SSH1: variants seen among roughly 807,000 people sequenced by gnomAD.
The protein encoded by SSH1 is protein phosphatase Slingshot homolog 1.
SSH1 carries 43 observed loss-of-function variants against 79.7 expected under a neutral mutation model. The ratio of observed to expected loss-of-function variants is 0.54; its 90% CI spans 0.42 to 0.70. The LOEUF is 0.70. SSH1 is among the 30% of genes least tolerant of loss of function. The pLI is 0.00. For missense variants in SSH1, 1,206 were observed against 1,358.8 expected (o/e 0.89, Z 1.77); for synonymous variants, 599 against 538.3 (o/e 1.11, Z -1.56).
chr12:108,802,282 T>C, intron 11 of SSH1, 40 bp downstream of exon 11: 1 of 1,603,326 alleles, frequency 6.2e-7, no homozygotes. Flanking sequence ...GTTTCTAAGC[T>C]GCCTGGAAGG....
Position 108,798,985 on chromosome 12 carries a change from C to T in SSH1, c.1349+15G>A. On this transcript the variant is annotated intron_variant, in intron 13 of 14. Transcript: ENST00000326495. ...AGCTCCGCCTGCCAACCCTTCTCTC[C>T]AGGCAGGCACCCACCTTGCATCCAA... is the stretch of plus-strand genomic sequence containing the variant. The T allele has an allele frequency of 5.0e-6, 8 of 1,611,052 alleles. No individual in the cohort carries two copies. In the East Asian group the frequency reaches 6.7e-5, roughly 13 times the overall value.
At position 108,804,829 on chromosome 12, in the gene SSH1, C is replaced by T. The variant is rs188159430; in HGVS notation, c.954+227G>A. Among the ~76,000 whole-genome samples, 29 of 152,298 alleles carry T rather than the reference C, an allele frequency of 1.9e-4. 1 individual carries two copies. In the South Asian group the frequency reaches 2.5e-3, roughly 13 times the overall value. Reference sequence around the variant, plus strand: ...GCCAAATAGCTCCCAAACAACTCCCCGCAGCTCAGCTGGAAGCCACGTCTC... The same window carrying T: ...GCCAAATAGCTCCCAAACAACTCCCTGCAGCTCAGCTGGAAGCCACGTCTC... On this transcript the variant is annotated intron_variant, in intron 10 of 14. Coordinates refer to ENST00000326495, the MANE Select transcript of SSH1 (RefSeq NM_018984.4).
intron 13 of SSH1, among the ~76,000 whole-genome samples, chr12:108,794,881 A>G (rs1344673590): frequency 1.3e-5 from 2 of 152,140 alleles, no homozygotes; most frequent in African/African-American, 4.8e-5. Flanking sequence ...GGGAAGGAAG[A>G]CACAGGACAG....
intron 7 of SSH1, 103 bp downstream of exon 7, chr12:108,809,590 T>G: frequency 2.1e-6 from 2 of 965,210 alleles, no homozygotes; most frequent in Non-Finnish European, 1.7e-6. Context: ...TCCCTCAACA[T>G]GCACATACGT....
chr12:108,806,037 G>A (rs191455222), intron 9 of SSH1, among the ~76,000 whole-genome samples: 55 of 152,192 alleles, frequency 3.6e-4, no homozygotes, highest in Non-Finnish European at 7.4e-5. Context: ...TCTCCCCAAA[G>A]GCCATATAGG....
intron 2 of SSH1, chr12:108,827,474 C>T: frequency 7.7e-7 from 1 of 1,298,940 alleles, no homozygotes; most frequent in Non-Finnish European, 9.8e-7. Flanking sequence ...GGGGAGCCAA[C>T]TCCTCCTCAG....
At position 108,817,175 on chromosome 12, in the gene SSH1, C is replaced by T; in HGVS notation, c.280-16G>A. On this transcript the variant is annotated splice_polypyrimidine_tract_variant and intron_variant, in intron 4 of 14. Coordinates refer to ENST00000326495, the MANE Select transcript of SSH1 (RefSeq NM_018984.4). ...GGCGCACTGCCTGGAACAGGGCAGA[C>T]ATGCTCTCACTAACCTGCCTTTGGA... 1.2e-6 allele frequency: 2 copies of T among 1,613,218 alleles called. No homozygotes were observed. Among genetic ancestry groups the T allele is most frequent in the Non-Finnish European group, 1.7e-6 (2 of 1,179,924 alleles).
intron 2 of SSH1, among the ~76,000 whole-genome samples, chr12:108,831,631 T>A (rs1054469865): frequency 1.3e-5 from 2 of 151,912 alleles, no homozygotes; most frequent in African/African-American, 4.8e-5. Context: ...GAGGCCTCCC[T>A]GGAAGAAATG....
chr12:108,819,109 G>A (rs1032846218), intron 3 of SSH1, among the ~76,000 whole-genome samples: 10 of 152,176 alleles, frequency 6.6e-5, no homozygotes, highest in Non-Finnish European at 1.3e-4. Flanking sequence ...CCATAACCGG[G>A]GGGGCGGGGG....
chr12:108,797,409 G>C (rs1041202995), intron 13 of SSH1, among the ~76,000 whole-genome samples: 4 of 152,136 alleles, frequency 2.6e-5, no homozygotes, highest in Non-Finnish European at 1.5e-5. Flanking sequence ...CCACCTTCAA[G>C]CCGAAAAGCC....
intron 2 of SSH1, among the ~76,000 whole-genome samples, chr12:108,841,466 G>A (rs951116557): frequency 2.6e-5 from 4 of 152,132 alleles, no homozygotes; most frequent in Non-Finnish European, 5.9e-5. Flanking sequence ...AACTCTTCAC[G>A]TCTCTGTCCT....
At chr12:108,821,210 C>G (rs1195701648) in intron 3 of SSH1, among the ~76,000 whole-genome samples, 1 of 112,520 alleles carries the variant, frequency 8.9e-6, no homozygotes, top group African/African-American at 3.7e-5. Flanking sequence ...TGAGTGAGAC[C>G]TCATCTACAC....
chr12:108,833,113 G>A (rs1388504536), intron 2 of SSH1, among the ~76,000 whole-genome samples: 4 of 151,608 alleles, frequency 2.6e-5, no homozygotes, highest in African/African-American at 7.3e-5. Flanking sequence ...AACGGGTAGC[G>A]GCAAGCAGCT....
At chr12:108,813,259 C>T (rs1037345262) in intron 5 of SSH1, among the ~76,000 whole-genome samples, 4 of 152,148 alleles carry the variant, frequency 2.6e-5, no homozygotes, top group Non-Finnish European at 5.9e-5. Flanking sequence ...TTCCTAGGGC[C>T]TGTATGGCGG....
intron 2 of SSH1, among the ~76,000 whole-genome samples, chr12:108,833,445 C>T (rs1230749063): frequency 2.6e-5 from 4 of 152,174 alleles, no homozygotes; most frequent in Non-Finnish European, 4.4e-5. Context: ...TCAAAAATTC[C>T]GAGAAGAGAT....
At chr12:108,819,921 T>G (rs552751770) in intron 3 of SSH1, among the ~76,000 whole-genome samples, 12 of 152,254 alleles carry the variant, frequency 7.9e-5, no homozygotes, top group Non-Finnish European at 1.8e-4. Context: ...AGCATCTTTT[T>G]CATTTTAAGG....
At position 108,807,475 on chromosome 12, in the gene SSH1, T is replaced by A; in HGVS notation, c.731+158A>T. ...GACAGGGGCCTGTGTCACAGACCCC[T>A]GCTTTAAACGCTGGTTCTGAGAAAG... is the stretch of plus-strand genomic sequence containing the variant. On this transcript the variant is annotated intron_variant, in intron 8 of 14. Coordinates refer to ENST00000326495, the MANE Select transcript of SSH1 (RefSeq NM_018984.4). The surrounding 1 kb of genome is among the most constrained non-coding windows in gnomAD (Gnocchi z 5.2). 1 of 640,366 alleles carries A rather than the reference T, an allele frequency of 1.6e-6. No individual in the cohort carries two copies. Among genetic ancestry groups the A allele is most frequent in the Non-Finnish European group, 2.7e-6 (1 of 365,190 alleles). 39.7% of individuals were successfully genotyped at this position (640,366 alleles called of 1,614,324 possible).
chr12:108,818,187 G>T, intron 4 of SSH1, 62 bp downstream of exon 4: 2 of 1,340,182 alleles, frequency 1.5e-6, no homozygotes, highest in Non-Finnish European at 2.1e-6. Context: ...AACAGAGCAA[G>T]ACCCTCATCT....
At chr12:108,821,108 G>T (rs1321113980) in intron 3 of SSH1, among the ~76,000 whole-genome samples, 1 of 152,174 alleles carries the variant, frequency 6.6e-6, no homozygotes, top group African/African-American at 2.4e-5. Context: ...GGCTGAGTAT[G>T]GCACCTCAAA....
Sources: allele counts gnomAD v4.1 joint callset (sites outside exome capture counted in the v4.1 genomes callset), GRCh38; gene constraint gnomAD v4.1.1; non-coding constraint Gnocchi (gnomAD v3.1); transcripts MANE v1.5; gene names NCBI Gene and HGNC (gene_info 2026-07-23, HGNC 2026-07-21).